SLC8A1: variants seen among roughly 807,000 people sequenced by gnomAD.
SLC8A1 encodes the protein sodium/calcium exchanger 1.
In SLC8A1, 18 loss-of-function variants were observed where a neutral mutation model predicts 68.3. That is an observed-to-expected ratio of 0.26 (90% CI 0.18 to 0.39). The LOEUF is 0.39. Among genes scored for constraint, SLC8A1 ranks in the 10% least tolerant of loss-of-function variants. The pLI is 1.00. For missense variants in SLC8A1, 985 were observed against 1,156.7 expected (o/e 0.85, Z 2.15); for synonymous variants, 475 against 415.5 (o/e 1.14, Z -1.74).
chr2:40,212,040 A>C (rs1197713324), intron 2 of SLC8A1, among the ~76,000 whole-genome samples: 1 of 152,208 alleles, frequency 6.6e-6, no homozygotes. Flanking sequence ...AATTGTTCAT[A>C]ATATATTCTC....
chr2:40,300,379 G>T (rs1312352410), intron 2 of SLC8A1, among the ~76,000 whole-genome samples: 1 of 151,552 alleles, frequency 6.6e-6, no homozygotes, highest in East Asian at 1.9e-4. Flanking sequence ...CTAGCAAACT[G>T]TGGAGCCAGG....
intron 1 of SLC8A1, among the ~76,000 whole-genome samples, chr2:40,441,395 G>GAA (rs147850068): frequency 7.1e-6 from 1 of 141,620 alleles, no homozygotes. Flanking sequence ...CATAGAATTA[G>GAA]AAAAAAAAAA....
At chr2:40,100,791 A>T (rs544113695) in exon 8 of SLC8A1, 1 of 152,276 alleles carries the variant, frequency 6.6e-6, no homozygotes, top group African/African-American at 2.4e-5. Flanking sequence ...GGAGGGTCAC[A>T]GATTTTAAAG....
At chr2:40,308,184 TGAG>T (rs895667397) in intron 2 of SLC8A1, among the ~76,000 whole-genome samples, 3 of 152,302 alleles carry the variant, frequency 2.0e-5, no homozygotes, top group African/African-American at 7.2e-5. Flanking sequence ...TGCTAATTTC[TGAG>T]GAGAAGGTGC....
chr2:40,174,901 CA>C, intron 3 of SLC8A1, 59 bp from the exon 5 acceptor site: 3 of 1,523,086 alleles, frequency 2.0e-6, no homozygotes, highest in Non-Finnish European at 2.7e-6. Flanking sequence ...TAACAAATAC[CA>C]GTGACATCAG....
intron 1 of SLC8A1, among the ~76,000 whole-genome samples, chr2:40,491,156 CAAA>C (rs1221496291): frequency 2.0e-5 from 3 of 152,090 alleles, no homozygotes; most frequent in Non-Finnish European, 1.5e-5. Flanking sequence ...ATTTTATAGT[CAAA>C]GAAGCTTAGG....
chr2:40,253,244 T>C (rs1043289466), intron 2 of SLC8A1, among the ~76,000 whole-genome samples: 3 of 150,090 alleles, frequency 2.0e-5, no homozygotes, highest in African/African-American at 7.4e-5. Flanking sequence ...TGTGCGTATA[T>C]ACACATATGT....
chr2:40,117,490 G>A (rs980549743), intron 7 of SLC8A1, among the ~76,000 whole-genome samples: 13 of 150,308 alleles, frequency 8.6e-5, no homozygotes, highest in Admixed American at 3.3e-4. Context: ...GCTTGAACCC[G>A]GGAGGTGGAG....
intron 2 of SLC8A1, among the ~76,000 whole-genome samples, chr2:40,229,331 A>G (rs2059363008): frequency 6.6e-6 from 1 of 152,194 alleles, no homozygotes; most frequent in Non-Finnish European, 1.5e-5. Context: ...TTCAACAGAA[A>G]TATATTTTCC....
chr2:40,334,341 T>C (rs1439363106), intron 2 of SLC8A1, among the ~76,000 whole-genome samples: 2 of 152,184 alleles, frequency 1.3e-5, no homozygotes, highest in Non-Finnish European at 2.9e-5. Flanking sequence ...TACTCAACGA[T>C]TTAATACCAA....
intron 2 of SLC8A1, among the ~76,000 whole-genome samples, chr2:40,272,167 C>T (rs760097334): frequency 6.6e-6 from 1 of 152,172 alleles, no homozygotes; most frequent in Non-Finnish European, 1.5e-5. Flanking sequence ...TGCACCTGGC[C>T]AAAACTTATT....
At position 40,285,479 on chromosome 2, in the gene SLC8A1, T is replaced by C. The variant is rs2068159824; in HGVS notation, c.1809-107624A>G. Among the ~76,000 whole-genome samples the C allele has an allele frequency of 2.0e-5, 3 of 152,256 alleles. No individual in the cohort carries two copies. The South Asian group carries it at 6.2e-4, about 32-fold the overall frequency. On this transcript the variant is annotated intron_variant, in intron 2 of 7. Transcript: ENST00000406785. ...TTCTCTCTCTCTTTCTCCCATAGTA[T>C]AGCAACAATTGGTCTAAATATTAAG... is the stretch of plus-strand genomic sequence containing the variant.
intron 4 of SLC8A1, among the ~76,000 whole-genome samples, chr2:40,166,991 G>A (rs2046653205): frequency 1.3e-5 from 2 of 152,096 alleles, no homozygotes; most frequent in Admixed American, 1.3e-4. Flanking sequence ...GCTTTTAATG[G>A]GACTCAAGGC....
At chr2:40,133,866 C>G (rs533635264) in intron 7 of SLC8A1, among the ~76,000 whole-genome samples, 74 of 152,290 alleles carry the variant, frequency 4.9e-4, no homozygotes, top group Middle Eastern at 3.4e-3. Flanking sequence ...ATACCCAAGG[C>G]TTATCCAAGT....
intron 2 of SLC8A1, among the ~76,000 whole-genome samples, chr2:40,391,467 AGATTACAGCT>A (rs68032283): frequency 0.045 from 6,909 of 152,030 alleles, 489 homozygotes; most frequent in African/African-American, 0.16. Flanking sequence ...GCAAACTAGG[AGATTACAGCT>A]GAATTTCTCT....
intron 1 of SLC8A1, among the ~76,000 whole-genome samples, chr2:40,460,007 A>C (rs1203497875): frequency 3.4e-5 from 5 of 148,406 alleles, no homozygotes; most frequent in African/African-American, 1.3e-4. Context: ...GTTTTTGTAA[A>C]TGTTATTTAA....
intron 1 of SLC8A1, among the ~76,000 whole-genome samples, chr2:40,511,779 G>GT (rs2149948748): frequency 6.6e-6 from 1 of 152,206 alleles, no homozygotes; most frequent in East Asian, 1.9e-4. Flanking sequence ...GTAAGACCCC[G>GT]TGTTTGTGAA....
chr2:40,213,007 T>A (rs1025129461), intron 2 of SLC8A1: 3 of 152,244 alleles, frequency 2.0e-5, no homozygotes, highest in Non-Finnish European at 4.4e-5. Context: ...GGAGGTGACA[T>A]CATCATTAGC....
intron 2 of SLC8A1, among the ~76,000 whole-genome samples, chr2:40,365,413 A>G (rs114729885): frequency 0.018 from 2,704 of 152,224 alleles, 41 homozygotes; most frequent in Non-Finnish European, 0.024. Flanking sequence ...TGTGTTTACA[A>G]TTATCCGAAT....
Sources: gnomAD v4.1 joint callset for allele counts (sites outside exome capture counted in the v4.1 genomes callset) on GRCh38, gnomAD v4.1.1 for gene constraint, MANE v1.5 for transcripts, NCBI Gene and HGNC (gene_info 2026-07-23, HGNC 2026-07-21) for gene names.